GLP2R: variants seen among roughly 807,000 people sequenced by gnomAD.
GLP2R encodes the protein glucagon-like peptide 2 receptor.
Under a neutral mutation model 68.2 loss-of-function variants are expected in GLP2R, and 59 were observed. The observed-to-expected ratio is 0.87, with a 90% confidence interval of 0.70 to 1.07. The LOEUF (loss-of-function observed/expected upper bound fraction) is 1.07. GLP2R is among the 50% of genes least tolerant of loss of function. The pLI, the probability that GLP2R is intolerant of heterozygous loss-of-function variation, is 0.00. For synonymous variants in GLP2R, 270 were observed against 265.4 expected (o/e 1.02, Z -0.17); for missense variants, 548 against 677.4 (o/e 0.81, Z 2.12).
At chr17:9,858,908 T>C (rs2152039113) in intron 6 of GLP2R, among the ~76,000 whole-genome samples, 1 of 152,348 alleles carries the variant, frequency 6.6e-6, no homozygotes, top group African/African-American at 2.4e-5. Context: ...TATTGGACTT[T>C]TCAAAGAATA....
intron 10 of GLP2R, 83 bp downstream of exon 10, chr17:9,870,918 AT>A: frequency 1.3e-6 from 1 of 749,918 alleles, no homozygotes; most frequent in Non-Finnish European, 2.4e-6. Flanking sequence ...TGGGAAGGAC[AT>A]TTATCTCCTA....
chr17:9,854,697 AAC>A, intron 5 of GLP2R, 96 bp downstream of exon 5: 1 of 772,508 alleles, frequency 1.3e-6, no homozygotes, highest in African/African-American at 1.7e-5. Context: ...AGATGCCTGA[AAC>A]CAGGGGTAGA....
In GLP2R at chr17:9,833,688, C is replaced by A; in HGVS notation, c.190-119C>A. 2 of 641,848 alleles carry A rather than the reference C, an allele frequency of 3.1e-6. 1 individual carries two copies. Among genetic ancestry groups the A allele is most frequent in the East Asian group, 5.3e-5 (2 of 37,680 alleles). The allele number at this position is 641,848 out of a possible 1,614,324, so 39.8% of individuals were successfully genotyped here. ...ATAAGATGCTGAAGAAATGCCATTTCTTTGCTGTGGGCCATTGTGGGCACT... is the reference window on the plus strand; with the variant it reads ...ATAAGATGCTGAAGAAATGCCATTTATTTGCTGTGGGCCATTGTGGGCACT... On this transcript the variant is annotated intron_variant, in intron 1 of 12. Transcript: ENST00000262441.
chr17:9,827,829 G>A (rs2066645963), intron 1 of GLP2R, among the ~76,000 whole-genome samples: 1 of 152,096 alleles, frequency 6.6e-6, no homozygotes. Context: ...GGGCATGGTG[G>A]TGTGTGCCTG....
rs1453617084 is a variant in GLP2R at position 9,891,521 on chromosome 17, C to A, written c.*1816C>A. The A allele has an allele frequency of 6.6e-6, 1 of 152,096 alleles. No individual in the cohort carries two copies. Among genetic ancestry groups the A allele is most frequent in the Non-Finnish European group, 1.5e-5 (1 of 68,016 alleles). The allele number at this position is 152,096 out of a possible 1,614,324, so 9.4% of individuals were successfully genotyped here. A position where few individuals can be genotyped will look rare whatever the true frequency, so the allele number is the denominator to read the frequency against. ...ACTTTCAAATGTTGTCTATGAGGGA[C>A]TTTTAATGTGAATTTTTATTTTTAG... On this transcript the variant is annotated 3_prime_UTR_variant, in exon 13 of 13. Transcript: ENST00000262441.
chr17:9,838,147 G>T (rs891959152), intron 3 of GLP2R, among the ~76,000 whole-genome samples: 1 of 152,206 alleles, frequency 6.6e-6, no homozygotes, highest in African/African-American at 2.4e-5. Context: ...CTCAGGCACA[G>T]TACCCCTGGG....
chr17:9,858,204 G>T (rs1266038597), intron 6 of GLP2R, among the ~76,000 whole-genome samples: 1 of 152,184 alleles, frequency 6.6e-6, no homozygotes, highest in Non-Finnish European at 1.5e-5. Context: ...AGGATACTGA[G>T]GGACAATTGT....
At chr17:9,851,849 A>G (rs1597386874) in intron 4 of GLP2R, among the ~76,000 whole-genome samples, 1 of 152,182 alleles carries the variant, frequency 6.6e-6, no homozygotes, top group African/African-American at 2.4e-5. Context: ...TATATTAGAA[A>G]TCAAAAACAG....
chr17:9,850,901 C>T (rs1222363087), intron 4 of GLP2R, among the ~76,000 whole-genome samples: 2 of 152,014 alleles, frequency 1.3e-5, no homozygotes, highest in Non-Finnish European at 1.5e-5. Context: ...CCATGTTGGC[C>T]AGGTTGGTCT....
At position 9,853,720 on chromosome 17, in the gene GLP2R, A is replaced by T. The variant is rs527888966; in HGVS notation, c.505-775A>T. Among the ~76,000 whole-genome samples, 8 of 152,354 alleles carry T rather than the reference A, an allele frequency of 5.3e-5. No homozygotes were observed. The East Asian group carries it at 1.5e-3, about 29-fold the overall frequency. On this transcript the variant is annotated intron_variant, in intron 4 of 12. Transcript: ENST00000262441. ...ATATCTATTATTAAAATTGCCTTGCAGTTAAAATTCTCTCACAGAGAAAAA... is the reference window on the plus strand; with the variant it reads ...ATATCTATTATTAAAATTGCCTTGCTGTTAAAATTCTCTCACAGAGAAAAA...
At chr17:9,857,764 A>G (rs946659916) in intron 6 of GLP2R, among the ~76,000 whole-genome samples, 188 bp downstream of exon 6, 3 of 118,440 alleles carry the variant, frequency 2.5e-5, no homozygotes, top group Admixed American at 2.5e-4. Flanking sequence ...CAGGTGAAAG[A>G]AACCAAAACA....
chr17:9,865,750 A>T (rs894154256), intron 9 of GLP2R: 1 of 461,398 alleles, frequency 2.2e-6, no homozygotes, highest in Non-Finnish European at 4.5e-6. Context: ...ATAAGTCAAC[A>T]GGCATGCCTA....
At chr17:9,844,556 A>T (rs2066818678) in intron 4 of GLP2R, among the ~76,000 whole-genome samples, 2 of 151,886 alleles carry the variant, frequency 1.3e-5, no homozygotes, top group Admixed American at 1.3e-4. Context: ...AAGGACAACA[A>T]GATCGCAGGC....
intron 11 of GLP2R, among the ~76,000 whole-genome samples, chr17:9,886,826 G>A (rs2067247653): frequency 6.6e-6 from 1 of 152,184 alleles, no homozygotes; most frequent in Admixed American, 6.5e-5. Context: ...GATATAAGAG[G>A]AGTCAGCCTG....
intron 9 of GLP2R, chr17:9,867,020 A>G (rs2067044771): frequency 6.6e-6 from 1 of 152,244 alleles, no homozygotes; most frequent in African/African-American, 2.4e-5. Flanking sequence ...TTTGGCCCCC[A>G]CATATGTTCT....
intron 3 of GLP2R, among the ~76,000 whole-genome samples, chr17:9,841,715 G>A (rs547784258): frequency 2.0e-5 from 3 of 152,178 alleles, no homozygotes; most frequent in Non-Finnish European, 4.4e-5. Context: ...GCTGTCAGGG[G>A]AGTAGGGGGC....
intron 3 of GLP2R, among the ~76,000 whole-genome samples, chr17:9,841,183 A>AT (rs139792270): frequency 0.038 from 5,416 of 144,366 alleles, 120 homozygotes; most frequent in East Asian, 0.081. Flanking sequence ...TGCCTAGCTA[A>AT]TTTTTTTTTT....
chr17:9,879,296 A>T (rs535646822), intron 10 of GLP2R, among the ~76,000 whole-genome samples: 27 of 38,966 alleles, frequency 6.9e-4, no homozygotes, highest in Non-Finnish European at 1.1e-3. Context: ...TAAAATAAAT[A>T]AAATAAAATA....
chr17:9,841,319 C>T (rs4791886), intron 3 of GLP2R, among the ~76,000 whole-genome samples: 88,044 of 151,678 alleles, frequency 0.58, 26,444 homozygotes, highest in Non-Finnish European at 0.66. Context: ...TGAGCCACCA[C>T]GCCTGGCCTG....
Sources: allele counts gnomAD v4.1 joint callset (sites outside exome capture counted in the v4.1 genomes callset), GRCh38; gene constraint gnomAD v4.1.1; transcripts MANE v1.5; gene names NCBI Gene and HGNC (gene_info 2026-07-23, HGNC 2026-07-21).